Variants in PTGR1 observed in about 807,000 individuals in gnomAD.
PTGR1 encodes the protein prostaglandin reductase 1.
In PTGR1, 23 loss-of-function variants were observed where a neutral mutation model predicts 37.7. The observed-to-expected ratio is 0.61, with a 90% CI of 0.44 to 0.86. PTGR1 has a LOEUF of 0.86. PTGR1 is among the 40% of genes least tolerant of loss of function. The pLI is 0.00. For missense variants in PTGR1, 351 were observed against 394.3 expected (o/e 0.89, Z 0.93); for synonymous variants, 134 against 140.0 (o/e 0.96, Z 0.30).
intron 6 of PTGR1, among the ~76,000 whole-genome samples, chr9:111,581,147 A>C (rs1829268788): frequency 6.6e-6 from 1 of 152,244 alleles, no homozygotes; most frequent in Non-Finnish European, 1.5e-5. Context: ...CTTAATTGCT[A>C]ATCTAGAAAC....
At chr9:111,553,795 A>C (rs1828040852) in intron 9 of PTGR1, among the ~76,000 whole-genome samples, 2 of 152,220 alleles carry the variant, frequency 1.3e-5, no homozygotes, top group Non-Finnish European at 2.9e-5. Flanking sequence ...TCCATTTCTC[A>C]CTAGCCTCAA....
intron 7 of PTGR1, chr9:111,576,444 T>A: frequency 6.2e-7 from 1 of 1,613,880 alleles, no homozygotes; most frequent in Non-Finnish European, 8.5e-7. Context: ...GTTTCAACTG[T>A]TACACAGAGA....
downstream of PTGR1, among the ~76,000 whole-genome samples, chr9:111,558,724 G>C (rs1828193379): frequency 6.6e-6 from 1 of 152,066 alleles, no homozygotes; most frequent in South Asian, 2.1e-4. Flanking sequence ...TCATTTATAT[G>C]TGTGTCTATG....
chr9:111,581,510 A>T lies in PTGR1; in HGVS notation c.495+1962T>A, dbSNP rs994528016. ...AAATGCTTATAAGCACCTCAAAGAA[A>T]AGTCTAATTACCTACAAAGGAAAGA... is the stretch of plus-strand genomic sequence containing the variant. On this transcript the variant is annotated intron_variant, in intron 6 of 9. Coordinates refer to ENST00000407693, the MANE Select transcript of PTGR1 (RefSeq NM_001146108.2). Among the ~76,000 whole-genome samples, 4 of 152,314 alleles carry T rather than the reference A, an allele frequency of 2.6e-5. 2 individuals carry two copies. In the South Asian group the frequency reaches 8.3e-4, roughly 32 times the overall value.
At position 111,563,157 on chromosome 9, in the gene PTGR1, T is replaced by A; in HGVS notation, c.954A>T (p.Lys318Asn). 6.2e-7 allele frequency: 1 copy of A among 1,614,064 alleles called. No homozygotes were observed. Among genetic ancestry groups the A allele is most frequent in the Non-Finnish European group, 8.5e-7 (1 of 1,179,964 alleles). ...CTATTGTCTTCCCCAAATTATCTCC[T>A]TTCAGCATTCCCATAAATGCAGCTG... ...NMPAAFMGML[K>N]GDNLGKTIVK... The change falls in exon 10 of 10, where the codon AAA (lysine) becomes AAT (asparagine). Residue 318 changes from lysine (K) to asparagine (N), a missense_variant. Transcript: ENST00000407693.
chr9:111,576,244 G>A, intron 7 of PTGR1: 2 of 920,216 alleles, frequency 2.2e-6, no homozygotes, highest in Non-Finnish European at 3.3e-6. Context: ...ATATTTGCAA[G>A]CCATATAGAG....
chr9:111,560,187 A>G (rs955129799), downstream of PTGR1, among the ~76,000 whole-genome samples: 1 of 151,948 alleles, frequency 6.6e-6, no homozygotes, highest in African/African-American at 2.4e-5. Flanking sequence ...ACTACTAAAA[A>G]TACAAAAATC....
At chr9:111,584,753 C>A (rs1311736349) in intron 5 of PTGR1, among the ~76,000 whole-genome samples, 1 of 152,162 alleles carries the variant, frequency 6.6e-6, no homozygotes, top group East Asian at 1.9e-4. Flanking sequence ...TTGTTGTCCC[C>A]CTTCTACTGA....
intron 9 of PTGR1, among the ~76,000 whole-genome samples, chr9:111,552,099 C>T (rs1377887280): frequency 6.6e-6 from 1 of 152,086 alleles, no homozygotes; most frequent in African/African-American, 2.4e-5. Context: ...TCATATGCAG[C>T]GTGATATTAG....
intron 4 of PTGR1, 54 bp from the exon 5 acceptor site, chr9:111,586,219 A>C: frequency 6.4e-7 from 1 of 1,565,710 alleles, no homozygotes; most frequent in Non-Finnish European, 8.8e-7. Context: ...CTTCCCTTTC[A>C]AGGGAGTCAG....
At chr9:111,554,785 C>T (rs1385937999) in intron 9 of PTGR1, among the ~76,000 whole-genome samples, 2 of 152,102 alleles carry the variant, frequency 1.3e-5, no homozygotes, top group Admixed American at 6.5e-5. Context: ...ACTGAAACCA[C>T]GGAAAGTGAA....
chr9:111,570,544 G>A (rs1344728006), intron 8 of PTGR1, among the ~76,000 whole-genome samples: 2 of 151,964 alleles, frequency 1.3e-5, no homozygotes, highest in Non-Finnish European at 2.9e-5. Flanking sequence ...GCCAAGGCGG[G>A]CAGATCACAA....
chr9:111,578,013 G>A (rs549983353), intron 7 of PTGR1, among the ~76,000 whole-genome samples: 47 of 152,040 alleles, frequency 3.1e-4, no homozygotes, highest in African/African-American at 1.1e-3. Context: ...GGGGGGTGAT[G>A]AAAATATTCT....
rs116090836 is a variant in PTGR1, at chr9:111,551,255, A to G, written c.880-1456T>C. 7.2e-3 allele frequency among the ~76,000 whole-genome samples: 1,093 copies of G among 152,310 alleles called. 13 individuals are homozygous for G. The highest frequency in any genetic ancestry group is 0.025 in the African/African-American group (1,019 of 41,556). Reference sequence around the variant, plus strand: ...ATGTAATGTGTTAATCTACACACAAAATTTTCATTTGTAATACATAACTCA... The same window carrying G: ...ATGTAATGTGTTAATCTACACACAAGATTTTCATTTGTAATACATAACTCA... On this transcript the variant is annotated intron_variant, in intron 9 of 9. Coordinates refer to the PTGR1 transcript ENST00000538962.
At chr9:111,549,772 T>G (rs1340526760) in exon 10 of PTGR1, 1 of 1,548,628 alleles carries the variant, frequency 6.5e-7, no homozygotes, top group South Asian at 1.2e-5. Flanking sequence ...GCTTTGAAGC[T>G]TCAATCTTCT....
intron 2 of PTGR1, 60 bp from the exon 3 acceptor site, chr9:111,594,327 C>A: frequency 7.1e-7 from 1 of 1,415,040 alleles, no homozygotes; most frequent in Non-Finnish European, 1.0e-6. Flanking sequence ...GAACAATAGA[C>A]ACTGAGCACC....
chr9:111,591,098 C>A (rs1259139001), intron 4 of PTGR1, among the ~76,000 whole-genome samples: 1 of 151,916 alleles, frequency 6.6e-6, no homozygotes. Context: ...TCGAGACTAG[C>A]CCAACCAACA....
chr9:111,580,894 G>A (rs1294534327), intron 6 of PTGR1, among the ~76,000 whole-genome samples: 1 of 152,136 alleles, frequency 6.6e-6, no homozygotes, highest in East Asian at 1.9e-4. Context: ...TCCTACCAAG[G>A]CCTAAGTGAT....
At chr9:111,571,380 G>C (rs1828812787) in intron 8 of PTGR1, among the ~76,000 whole-genome samples, 1 of 149,832 alleles carries the variant, frequency 6.7e-6, no homozygotes, top group Non-Finnish European at 1.5e-5. Context: ...CTCCACTCCA[G>C]CCTGGGTGAC....
Sources: allele counts gnomAD v4.1 joint callset (sites outside exome capture counted in the v4.1 genomes callset), GRCh38; gene constraint gnomAD v4.1.1; transcripts MANE v1.5; gene names NCBI Gene and HGNC (gene_info 2026-07-23, HGNC 2026-07-21).